AKAP13: variants seen among roughly 807,000 people sequenced by gnomAD.
AKAP13 encodes A-kinase anchor protein 13.
In AKAP13, 80 loss-of-function variants were observed where a neutral mutation model predicts 264.5. That is an observed-to-expected ratio of 0.30 (90% CI 0.25 to 0.36). AKAP13 has a LOEUF of 0.36. Among genes scored for constraint, AKAP13 ranks in the 10% least tolerant of loss-of-function variants. The probability of loss-of-function intolerance (pLI) is 1.00; values close to 1 mark genes in which losing one functional copy is unlikely to be tolerated. For synonymous variants in AKAP13, 1,380 were observed against 1,250.2 expected (o/e 1.10, Z -2.19); for missense variants, 3,712 against 3,435.2 (o/e 1.08, Z -2.01).
At chr15:85,616,407 T>A (rs2080939123) in intron 8 of AKAP13, among the ~76,000 whole-genome samples, 1 of 152,220 alleles carries the variant, frequency 6.6e-6, no homozygotes, top group African/African-American at 2.4e-5. Flanking sequence ...TATTTTTATA[T>A]TTCATTTTCT....
At chr15:85,461,487 T>C (rs1382869275) in intron 1 of AKAP13, among the ~76,000 whole-genome samples, 1 of 152,218 alleles carries the variant, frequency 6.6e-6, no homozygotes, top group East Asian at 1.9e-4. Context: ...AAAGTTTGAA[T>C]GTGTGAATTA....
At chr15:85,603,766 T>A (rs2080195852) in intron 8 of AKAP13, among the ~76,000 whole-genome samples, 1 of 152,188 alleles carries the variant, frequency 6.6e-6, no homozygotes, top group African/African-American at 2.4e-5. Context: ...ACCCTTTCCT[T>A]CTTTAAAGCC....
chr15:85,718,847 C>T lies in AKAP13; in HGVS notation c.6002-229C>T, dbSNP rs2087115086. 4 of 505,798 alleles carry T rather than the reference C, an allele frequency of 7.9e-6. No homozygotes were observed. The highest frequency in any genetic ancestry group is 3.4e-5 in the Admixed American group (1 of 29,286). 31.3% of individuals were successfully genotyped at this position (505,798 alleles called of 1,614,324 possible). A position where few individuals can be genotyped will look rare whatever the true frequency, so the allele number is the denominator to read the frequency against. On this transcript the variant is annotated intron_variant, in intron 22 of 36. Transcript: ENST00000394518. This position sits in a 1 kb window ranked among gnomAD's most constrained non-coding sequence, Gnocchi z 4.9. ...CCCAGGAGGTTGAGGCTGCAATGAG[C>T]CATGACTTCAGCCTGCACTTCAGCC...
At chr15:85,719,646 A>G (rs11854136) in intron 23 of AKAP13, among the ~76,000 whole-genome samples, 11,493 of 152,168 alleles carry the variant, frequency 0.076, 472 homozygotes, top group African/African-American at 0.11. Context: ...TAAGAAATCA[A>G]TTAATATGGC....
intron 1 of AKAP13, among the ~76,000 whole-genome samples, chr15:85,414,669 T>C (rs1052695275): frequency 2.6e-5 from 4 of 152,236 alleles, no homozygotes; most frequent in Non-Finnish European, 4.4e-5. Context: ...AATTCTTATG[T>C]TAGAGTGCCT....
rs116508511 is a variant in AKAP13 at position 85,741,301 on chromosome 15, C to A, written c.7864C>A (p.Arg2622Ser). Residue 2622 changes from arginine (R) to serine (S), a missense_variant, in exon 35 of 37, where the codon CGC (arginine) becomes AGC (serine). By Grantham distance (110) the Arg-to-Ser change is moderately radical (BLOSUM62 -1). Coordinates refer to ENST00000394518, the MANE Select transcript of AKAP13 (RefSeq NM_007200.5). ...LREREALLAQREEEVQQGQQD... is the reference protein window; with the variant it reads ...LREREALLAQSEEEVQQGQQD... ...GGAGCGGGAGGCCCTCCTGGCCCAG[C>A]GCGAGGAGGAGGTGCAGCAGGGGCA... 3.7e-6 allele frequency: 6 copies of A among 1,611,100 alleles called. No individual in the cohort carries two copies. The African/African-American group carries it at 8.0e-5, about 22-fold the overall frequency.
chr15:85,709,908 A>T (rs2086542568), intron 18 of AKAP13, among the ~76,000 whole-genome samples: 1 of 151,988 alleles, frequency 6.6e-6, no homozygotes, highest in Non-Finnish European at 1.5e-5. Flanking sequence ...GGCTGGTATC[A>T]AACTCCTGAC....
At chr15:85,736,471 A>T (rs890665619) in intron 33 of AKAP13, among the ~76,000 whole-genome samples, 3 of 151,990 alleles carry the variant, frequency 2.0e-5, no homozygotes, top group African/African-American at 7.3e-5. Flanking sequence ...GTCTCACTCT[A>T]TCGCCCAGCT....
intron 2 of AKAP13, among the ~76,000 whole-genome samples, chr15:85,492,888 T>C (rs2075770167): frequency 6.6e-6 from 1 of 152,254 alleles, no homozygotes; most frequent in Non-Finnish European, 1.5e-5. Flanking sequence ...GTGTTAACTT[T>C]GATACCTTAG....
intron 8 of AKAP13, among the ~76,000 whole-genome samples, chr15:85,590,439 A>C (rs1282120434): frequency 6.6e-6 from 1 of 152,230 alleles, no homozygotes; most frequent in Non-Finnish European, 1.5e-5. Flanking sequence ...ACTGAGGAGT[A>C]ATTTTTCATT....
At chr15:85,479,929 T>C (rs868457826) in intron 1 of AKAP13, among the ~76,000 whole-genome samples, 21 of 152,194 alleles carry the variant, frequency 1.4e-4, no homozygotes, top group African/African-American at 4.6e-4. Context: ...TTGGTAAAGA[T>C]TGTGGATGTC....
chr15:85,471,291 C>G (rs1279616785), intron 1 of AKAP13, among the ~76,000 whole-genome samples: 2 of 152,108 alleles, frequency 1.3e-5, no homozygotes, highest in South Asian at 2.1e-4. Context: ...GTCAGGAGAT[C>G]GAGACCATCC....
chr15:85,684,810 A>G lies in AKAP13; in HGVS notation c.5226A>G (p.Gly1742=), dbSNP rs756998986. ...PSKKDSEWKS[G]TKVSRTFSYI... is the part of the protein sequence containing the mutation. ...AGAAAGATTCTGAATGGAAGAGTGG[A>G]ACAAAAGTCAGTCGTACATTCAGCT... Residue 1742 remains glycine, a synonymous_variant, in exon 16 of 37, where the codon GGA becomes GGG. Coordinates refer to ENST00000394518, the MANE Select transcript of AKAP13 (RefSeq NM_007200.5). 1.7e-5 allele frequency: 27 copies of G among 1,613,848 alleles called. No individual in the cohort carries two copies. The highest frequency in any genetic ancestry group is 2.3e-5 in the Non-Finnish European group (27 of 1,180,004).
chr15:85,622,338 C>T (rs1045811057), intron 8 of AKAP13, among the ~76,000 whole-genome samples: 2 of 152,104 alleles, frequency 1.3e-5, no homozygotes, highest in African/African-American at 4.8e-5. Context: ...AAGACACTAG[C>T]TATGCTAAGG....
intron 14 of AKAP13, 61 bp downstream of exon 14, chr15:85,669,891 T>C (rs2083820037): frequency 1.5e-6 from 2 of 1,299,576 alleles, no homozygotes; most frequent in Non-Finnish European, 2.1e-6. Context: ...CTTCCTATTA[T>C]TTTTCTCACT....
intron 2 of AKAP13, among the ~76,000 whole-genome samples, chr15:85,493,726 A>C (rs2075797468): frequency 6.6e-6 from 1 of 152,216 alleles, no homozygotes; most frequent in Non-Finnish European, 1.5e-5. Context: ...TGAACATAGT[A>C]CATGCCCCCT....
rs935698971 is a variant in AKAP13, at chr15:85,423,951, C to CT, written c.-12+43161dup. Among the ~76,000 whole-genome samples the CT allele has an allele frequency of 7.9e-5, 12 of 152,046 alleles. No individual in the cohort carries two copies. The South Asian group carries it at 1.0e-3, about 13-fold the overall frequency. Reference sequence around the variant, plus strand: ...AGGTGCATTGTGAGTGAGCAGGAGTCTTTTTTTTCTGGGCAGTAGGTCACA... The same window carrying CT: ...AGGTGCATTGTGAGTGAGCAGGAGTCTTTTTTTTTCTGGGCAGTAGGTCACA... On this transcript the variant is annotated intron_variant, in intron 1 of 36. Coordinates refer to ENST00000394518, the MANE Select transcript of AKAP13 (RefSeq NM_007200.5).
At chr15:85,453,142 G>A (rs531499295) in intron 1 of AKAP13, among the ~76,000 whole-genome samples, 44 of 152,296 alleles carry the variant, frequency 2.9e-4, no homozygotes, top group African/African-American at 1.1e-3. Context: ...TGTGGATAAA[G>A]CACTTAATGT....
intron 4 of AKAP13, chr15:85,534,103 A>C: frequency 2.1e-6 from 1 of 476,244 alleles, no homozygotes; most frequent in South Asian, 4.8e-5. Context: ...GGATTACCCA[A>C]GGAGAGTGGC....
Sources: gnomAD v4.1 joint callset for allele counts (sites outside exome capture counted in the v4.1 genomes callset) on GRCh38, gnomAD v4.1.1 for gene constraint, Gnocchi (gnomAD v3.1) non-coding constraint, MANE v1.5 for transcripts, NCBI Gene and HGNC (gene_info 2026-07-23, HGNC 2026-07-21) for gene names.